The following LARP4B variants were observed in gnomAD, a reference collection of about 807,000 sequenced individuals.
The protein encoded by LARP4B is La ribonucleoprotein 4B.
LARP4B carries 12 observed loss-of-function variants against 89.8 expected under a neutral mutation model. That is an observed-to-expected ratio of 0.13 (90% CI 0.09 to 0.22). LARP4B has a LOEUF of 0.22. LARP4B is among the 10% of genes least tolerant of loss of function. LARP4B has a pLI of 1.00. For synonymous variants in LARP4B, 367 were observed against 363.3 expected (o/e 1.01, Z -0.12); for missense variants, 757 against 947.7 (o/e 0.80, Z 2.64).
chr10:970,531 G>A, the LARP4B span, among the ~76,000 whole-genome samples: 4 of 152,114 alleles, frequency 2.6e-5, no homozygotes, highest in Admixed American at 6.6e-5. Context: ...TTGCACAGCC[G>A]TCCTTTGAAA....
intron 11 of LARP4B, among the ~76,000 whole-genome samples, chr10:827,219 T>C (rs1197300211): frequency 6.6e-6 from 1 of 151,714 alleles, no homozygotes. Context: ...GAGCTTGCAG[T>C]GAGCCAAGAT....
At chr10:956,405 G>GC in the LARP4B span, among the ~76,000 whole-genome samples, 1 of 151,844 alleles carries the variant, frequency 6.6e-6, no homozygotes, top group East Asian at 1.9e-4. The surrounding 1 kb of genome is among the most constrained non-coding windows in gnomAD (Gnocchi z 4.3). Flanking sequence ...GAGTGCAGTG[G>GC]CGCGATCTCG....
chr10:983,495 G>A, the LARP4B span, among the ~76,000 whole-genome samples: 1 of 152,192 alleles, frequency 6.6e-6, no homozygotes, highest in South Asian at 2.1e-4. Context: ...CAGGACACCA[G>A]CATAGTTGGG....
At chr10:916,555 C>T (rs984648440) in intron 1 of LARP4B, among the ~76,000 whole-genome samples, 1 of 152,100 alleles carries the variant, frequency 6.6e-6, no homozygotes, top group Non-Finnish European at 1.5e-5. Context: ...ACTAGCCAGG[C>T]GTGGTGGCGC....
intron 1 of LARP4B, among the ~76,000 whole-genome samples, chr10:894,614 G>T (rs1836133385): frequency 6.6e-6 from 1 of 152,048 alleles, no homozygotes; most frequent in Non-Finnish European, 1.5e-5. Flanking sequence ...AGGTAATAAA[G>T]ACATGATAAA....
At chr10:842,447 C>A (rs1389969583) in intron 7 of LARP4B, among the ~76,000 whole-genome samples, 1 of 152,062 alleles carries the variant, frequency 6.6e-6, no homozygotes, top group Non-Finnish European at 1.5e-5. Flanking sequence ...CCGCCCAACT[C>A]GACCTCCAAA....
chr10:934,530 A>G (rs1418549440), upstream of LARP4B, among the ~76,000 whole-genome samples: 2 of 152,022 alleles, frequency 1.3e-5, no homozygotes, highest in East Asian at 1.9e-4. Context: ...AAAGAATTCC[A>G]TCTCTTCTTT....
intron 8 of LARP4B, among the ~76,000 whole-genome samples, chr10:832,513 C>A (rs190003398): frequency 6.6e-6 from 1 of 152,070 alleles, no homozygotes. Context: ...ATTTCAGGTA[C>A]GAGAAGTTTG....
chr10:915,319 A>T (rs1326478508), intron 1 of LARP4B, among the ~76,000 whole-genome samples: 1 of 152,180 alleles, frequency 6.6e-6, no homozygotes, highest in Non-Finnish European at 1.5e-5. Flanking sequence ...TAGCACTGAC[A>T]ATATACTGAT....
chr10:841,748 C>G (rs1013854552), intron 7 of LARP4B, among the ~76,000 whole-genome samples: 1 of 152,158 alleles, frequency 6.6e-6, no homozygotes, highest in East Asian at 1.9e-4. Context: ...CCAGGGAGCA[C>G]GGCGCCATCC....
At chr10:885,530 G>T (rs1461794174) in intron 2 of LARP4B, 111 bp downstream of exon 2, 1 of 684,448 alleles carries the variant, frequency 1.5e-6, no homozygotes, top group Non-Finnish European at 2.5e-6. Flanking sequence ...TCTGTATGCA[G>T]ATCCTAAGAT....
downstream of LARP4B, chr10:809,068 C>G (rs1831646859): frequency 2.0e-5 from 3 of 152,106 alleles, no homozygotes; most frequent in African/African-American, 4.8e-5. Flanking sequence ...AGGAAGGCAG[C>G]AACATGTTAA....
chr10:937,545 A>G, the LARP4B span, among the ~76,000 whole-genome samples: 1 of 152,170 alleles, frequency 6.6e-6, no homozygotes, highest in Non-Finnish European at 1.5e-5. Context: ...CCCCATCTGA[A>G]TCAAGTAATC....
rs561176353 is a variant in LARP4B at position 893,672 on chromosome 10, T to C, written c.-39-7912A>G. On this transcript the variant is annotated intron_variant, in intron 1 of 17. Transcript: ENST00000316157. The stretch of plus-strand genomic sequence containing the variant: ...AGCACTAGTTAATTACTTTGTAGAA[T>C]GTTCCTCAATTTGAGATGAGCCTGG... 3.9e-5 allele frequency among the ~76,000 whole-genome samples: 6 copies of C among 152,314 alleles called. No homozygotes were observed. The South Asian group carries it at 1.2e-3, about 32-fold the overall frequency.
intron 5 of LARP4B, among the ~76,000 whole-genome samples, chr10:850,036 ATCACTACTGGT>A (rs57716760): frequency 0.032 from 4,810 of 152,322 alleles, 140 homozygotes; most frequent in African/African-American, 0.077. Flanking sequence ...GTTACGATGT[ATCACTACTGGT>A]TCAGTGATTG....
At chr10:951,471 A>T in the LARP4B span, among the ~76,000 whole-genome samples, 1 of 151,982 alleles carries the variant, frequency 6.6e-6, no homozygotes, top group African/African-American at 2.4e-5. Flanking sequence ...GCTTGAACCC[A>T]TGAGGTAGAG....
chr10:960,239 G>A, the LARP4B span, among the ~76,000 whole-genome samples: 4 of 152,106 alleles, frequency 2.6e-5, no homozygotes, highest in Admixed American at 1.3e-4. Context: ...GTTGACAGAG[G>A]GGGAGGGATG....
the LARP4B span, among the ~76,000 whole-genome samples, chr10:984,438 C>T: frequency 7.2e-5 from 11 of 152,138 alleles, no homozygotes; most frequent in Admixed American, 7.2e-4. Flanking sequence ...TATGGAACAG[C>T]AGAATGCAAA....
At chr10:866,158 C>T (rs1443120108) in intron 3 of LARP4B, among the ~76,000 whole-genome samples, 1 of 152,120 alleles carries the variant, frequency 6.6e-6, no homozygotes, top group Non-Finnish European at 1.5e-5. Flanking sequence ...AGCACCATGC[C>T]CATAAAACCA....
Sources: allele counts gnomAD v4.1 joint callset (sites outside exome capture counted in the v4.1 genomes callset), GRCh38; gene constraint gnomAD v4.1.1; non-coding constraint Gnocchi (gnomAD v3.1); transcripts MANE v1.5; gene names NCBI Gene and HGNC (gene_info 2026-07-23, HGNC 2026-07-21).